The following CDK8 variants were observed in gnomAD, a reference collection of about 807,000 sequenced individuals.
CDK8 encodes cyclin-dependent kinase 8.
CDK8 carries 29 observed loss-of-function variants against 71.5 expected under a neutral mutation model. That is an observed-to-expected ratio of 0.41 (90% confidence interval 0.30 to 0.55). The LOEUF (loss-of-function observed/expected upper bound fraction) is 0.55, where lower values mean the gene tolerates loss of function less well. Among genes scored for constraint, CDK8 ranks in the 20% least tolerant of loss-of-function variants. The probability of loss-of-function intolerance (pLI) is 0.37; values close to 1 mark genes in which losing one functional copy is unlikely to be tolerated. For synonymous variants in CDK8, 161 were observed against 192.1 expected, an observed-to-expected ratio of 0.84 and a Z score of 1.34; for missense variants, 288 against 572.6, an observed-to-expected ratio of 0.50 and a Z score of 5.07.
chr13:26,287,957 G>A (rs897717846), intron 1 of CDK8, among the ~76,000 whole-genome samples: 1 of 151,852 alleles, frequency 6.6e-6, no homozygotes, highest in Non-Finnish European at 1.5e-5. Context: ...TAATTTTAGT[G>A]CAACTTATTT....
At chr13:26,382,592 C>A (rs149574237) in intron 4 of CDK8, among the ~76,000 whole-genome samples, 19 of 152,280 alleles carry the variant, frequency 1.2e-4, no homozygotes, top group African/African-American at 4.1e-4. Context: ...AAAGCCTCAG[C>A]CTTCTGTGGA....
At chr13:26,275,201 C>G (rs186588006) in intron 1 of CDK8, among the ~76,000 whole-genome samples, 12 of 152,270 alleles carry the variant, frequency 7.9e-5, no homozygotes, top group Non-Finnish European at 1.3e-4. Context: ...TCTACAATAT[C>G]TGGGGTAAGA....
chr13:26,299,898 A>G (rs1188696438), intron 1 of CDK8, among the ~76,000 whole-genome samples: 4 of 152,184 alleles, frequency 2.6e-5, no homozygotes, highest in African/African-American at 4.8e-5. Context: ...TGGGCCATGT[A>G]TAGTCTCTGT....
chr13:26,385,131 A>G (rs1565994950), intron 5 of CDK8, 80 bp from the exon 6 acceptor site: 5 of 1,152,030 alleles, frequency 4.3e-6, no homozygotes, highest in Admixed American at 4.6e-5. Context: ...ATCTTACTGA[A>G]TAAGATGGTA....
At chr13:26,324,987 T>C (rs559699685) in intron 1 of CDK8, among the ~76,000 whole-genome samples, 54 of 152,342 alleles carry the variant, frequency 3.5e-4, no homozygotes, top group African/African-American at 1.3e-3. Context: ...ATTTGAAGTA[T>C]AAACCTGGCT....
chr13:26,284,242 C>A (rs1872895260), intron 1 of CDK8, among the ~76,000 whole-genome samples: 1 of 152,056 alleles, frequency 6.6e-6, no homozygotes, highest in Admixed American at 6.6e-5. Flanking sequence ...AAACGAAGAA[C>A]AAACCAAACC....
intron 1 of CDK8, among the ~76,000 whole-genome samples, chr13:26,263,512 G>T (rs1871875278): frequency 6.6e-6 from 1 of 151,836 alleles, no homozygotes; most frequent in Non-Finnish European, 1.5e-5. Context: ...CACGATCTTG[G>T]CTCACTGTAA....
At chr13:26,295,022 A>T (rs1873480984) in intron 1 of CDK8, among the ~76,000 whole-genome samples, 1 of 152,158 alleles carries the variant, frequency 6.6e-6, no homozygotes, top group South Asian at 2.1e-4. Flanking sequence ...CTGGGATTAC[A>T]GATGTGAACT....
At chr13:26,308,066 T>C (rs1162618604) in intron 1 of CDK8, among the ~76,000 whole-genome samples, 1 of 152,244 alleles carries the variant, frequency 6.6e-6, no homozygotes, top group Non-Finnish European at 1.5e-5. Flanking sequence ...TTAAAATCTT[T>C]ATTTCTGACT....
At chr13:26,309,203 G>C (rs1007721224) in intron 1 of CDK8, among the ~76,000 whole-genome samples, 2 of 149,870 alleles carry the variant, frequency 1.3e-5, no homozygotes, top group Non-Finnish European at 3.0e-5. Flanking sequence ...GCGGTGGCGC[G>C]ATCTCAGCTC....
chr13:26,404,114 G>A lies in CDK8; in HGVS notation c.*33G>A, dbSNP rs1369933635. The A allele has an allele frequency of 1.2e-5, 20 of 1,611,486 alleles. No homozygotes were observed. The highest frequency in any genetic ancestry group is 2.7e-5 in the African/African-American group (2 of 75,006). ...CGGAATCTTGTCCATGCACTGTTGC[G>A]AATGCTGCAGGGCTGACTGTGCAGC... is the stretch of plus-strand genomic sequence containing the variant. On this transcript the variant is annotated 3_prime_UTR_variant, in exon 13 of 13. Coordinates refer to ENST00000381527, the MANE Select transcript of CDK8 (RefSeq NM_001260.3).
In CDK8 at chr13:26,255,416, G is replaced by A. The variant is rs138175348; in HGVS notation, c.128+647G>A. Among the ~76,000 whole-genome samples the A allele has an allele frequency of 5.3e-5, 8 of 152,294 alleles. No homozygotes were observed. The East Asian group carries it at 1.2e-3, about 22-fold the overall frequency. On this transcript the variant is annotated intron_variant, in intron 1 of 12. Coordinates refer to ENST00000381527, the MANE Select transcript of CDK8 (RefSeq NM_001260.3). ...TGGGGAAGAAGGCAAGTGACATAGG[G>A]ACTATCTCGTTCAGGCGGTTTCCCC...
chr13:26,404,000 A>G lies in CDK8; in HGVS notation c.1314A>G (p.Thr438=). 6.2e-7 allele frequency: 1 copy of G among 1,613,878 alleles called. No homozygotes were observed. Among genetic ancestry groups the G allele is most frequent in the Non-Finnish European group, 8.5e-7 (1 of 1,180,020 alleles). ...CCTATCCCAACCCTGGACCAAGCAC[A>G]TCACAGCCGCAGAGCAGCATGGGAT... The part of the protein sequence containing the change: ...HAAYPNPGPS[T]SQPQSSMGYS... The change falls in exon 13 of 13, where the codon ACA becomes ACG. Residue 438 remains threonine, a synonymous_variant. Coordinates refer to ENST00000381527, the MANE Select transcript of CDK8 (RefSeq NM_001260.3).
At chr13:26,333,001 A>G (rs1872822577) in intron 1 of CDK8, among the ~76,000 whole-genome samples, 1 of 152,148 alleles carries the variant, frequency 6.6e-6, no homozygotes, top group Non-Finnish European at 1.5e-5. Flanking sequence ...ATCTGATTTC[A>G]TGTGACAGGC....
chr13:26,271,442 A>G (rs1872315834), intron 1 of CDK8, among the ~76,000 whole-genome samples: 1 of 152,228 alleles, frequency 6.6e-6, no homozygotes, highest in Admixed American at 6.5e-5. Context: ...CACTTGTAAC[A>G]CAGTGGTTAG....
chr13:26,371,489 T>C (rs1874681533), intron 4 of CDK8, among the ~76,000 whole-genome samples: 1 of 152,210 alleles, frequency 6.6e-6, no homozygotes. Context: ...CGTCATACTA[T>C]CAGATATAGT....
At chr13:26,338,817 T>C (rs1419631728) in intron 2 of CDK8, among the ~76,000 whole-genome samples, 1 of 152,150 alleles carries the variant, frequency 6.6e-6, no homozygotes, top group Non-Finnish European at 1.5e-5. Flanking sequence ...AGGATGTTGA[T>C]TACCCTTGGA....
intron 1 of CDK8, among the ~76,000 whole-genome samples, chr13:26,319,481 A>G (rs960343356): frequency 2.6e-5 from 4 of 152,008 alleles, no homozygotes; most frequent in Non-Finnish European, 5.9e-5. Context: ...AAAAAAAAAA[A>G]AGAATAAAAT....
chr13:26,369,075 C>T (rs928990940), intron 4 of CDK8, among the ~76,000 whole-genome samples: 1 of 151,994 alleles, frequency 6.6e-6, no homozygotes, highest in Admixed American at 6.6e-5. Flanking sequence ...TTATTAGCCT[C>T]AGAAGACGCT....
Sources: gnomAD v4.1 joint callset for allele counts (sites outside exome capture counted in the v4.1 genomes callset) on GRCh38, gnomAD v4.1.1 for gene constraint, MANE v1.5 for transcripts, NCBI Gene and HGNC (gene_info 2026-07-23, HGNC 2026-07-21) for gene names.